SCN8A: variants seen among roughly 807,000 people sequenced by gnomAD.
The protein encoded by SCN8A is sodium voltage-gated channel alpha subunit 8, also known as sodium channel protein type 8 subunit alpha.
SCN8A carries 30 observed loss-of-function variants against 184.1 expected under a neutral mutation model. The ratio of observed to expected loss-of-function variants is 0.16; its 90% confidence interval spans 0.12 to 0.22. SCN8A has a LOEUF of 0.22. SCN8A is among the 10% of genes least tolerant of loss of function. The pLI is 1.00. For synonymous variants in SCN8A, 852 were observed against 907.0 expected, an observed-to-expected ratio of 0.94 and a Z score of 1.09; for missense variants, 1,057 against 2,498.9, an observed-to-expected ratio of 0.42 and a Z score of 12.30.
chr12:51,788,220 G>A (rs1054245337), intron 22 of SCN8A, among the ~76,000 whole-genome samples: 3 of 150,940 alleles, frequency 2.0e-5, no homozygotes, highest in Non-Finnish European at 4.4e-5. Flanking sequence ...ATTAGTAAAG[G>A]GTAAGTCTGA....
chr12:51,706,377 G>A, intron 10 of SCN8A, 45 bp from the exon 11 acceptor site: 3 of 1,484,598 alleles, frequency 2.0e-6, no homozygotes, highest in African/African-American at 1.4e-5. Context: ...GGTGGCTCCA[G>A]TTAATTGCCC....
intron 1 of SCN8A, among the ~76,000 whole-genome samples, chr12:51,645,955 A>AT (rs1298757465): frequency 0.056 from 2,196 of 39,186 alleles, 64 homozygotes; most frequent in African/African-American, 0.14. Flanking sequence ...TCAATTAAAA[A>AT]AAAAAAAAAA....
At chr12:51,805,500 A>T (rs1050876773) in intron 26 of SCN8A, among the ~76,000 whole-genome samples, 2 of 152,016 alleles carry the variant, frequency 1.3e-5, no homozygotes, top group African/African-American at 4.8e-5. Flanking sequence ...TATATATATG[A>T]TTCTTACATA....
chr12:51,780,523 C>A, intron 20 of SCN8A, 126 bp from the exon 21 acceptor site: 1 of 638,594 alleles, frequency 1.6e-6, no homozygotes, highest in Non-Finnish European at 2.2e-6. Context: ...GTCTGCAGTG[C>A]TAGGGGCTTT....
intron 12 of SCN8A, among the ~76,000 whole-genome samples, chr12:51,742,616 T>C (rs936606775): frequency 5.3e-5 from 8 of 152,058 alleles, no homozygotes; most frequent in Non-Finnish European, 1.0e-4. Context: ...CTTGCTGCTT[T>C]TAGGATCCTT....
intron 12 of SCN8A, among the ~76,000 whole-genome samples, chr12:51,744,735 C>T (rs1472897826): frequency 6.6e-6 from 1 of 151,770 alleles, no homozygotes; most frequent in Non-Finnish European, 1.5e-5. Context: ...TAATGAAACA[C>T]TTTGATAAGA....
At chr12:51,799,534 G>A (rs1245283720) in intron 26 of SCN8A, among the ~76,000 whole-genome samples, 1 of 152,138 alleles carries the variant, frequency 6.6e-6, no homozygotes, top group Non-Finnish European at 1.5e-5. Context: ...CACCTATGGG[G>A]GCCTACCAAA....
intron 2 of SCN8A, among the ~76,000 whole-genome samples, chr12:51,680,596 C>T (rs1183344529): frequency 6.6e-6 from 1 of 152,196 alleles, no homozygotes; most frequent in African/African-American, 2.4e-5. Flanking sequence ...ATGCCAAGCA[C>T]TGCAGGCACT....
intron 21 of SCN8A, among the ~76,000 whole-genome samples, chr12:51,781,140 G>A (rs1175360898): frequency 2.6e-5 from 4 of 152,178 alleles, no homozygotes; most frequent in African/African-American, 4.8e-5. Flanking sequence ...AAAAGCACAA[G>A]CTTCAGGCAG....
At chr12:51,636,152 G>T (rs565863804) in intron 1 of SCN8A, among the ~76,000 whole-genome samples, 1 of 152,162 alleles carries the variant, frequency 6.6e-6, no homozygotes, top group East Asian at 1.9e-4. Context: ...CCGCCACCAC[G>T]CCTGGCTAAT....
chr12:51,758,243 G>A (rs1381732320), intron 14 of SCN8A, among the ~76,000 whole-genome samples: 13 of 152,110 alleles, frequency 8.5e-5, no homozygotes, highest in Admixed American at 8.5e-4. Context: ...GATCACTTGA[G>A]CTCAAGAATT....
rs10639290 is a variant in SCN8A at position 51,634,656 on chromosome 12, A to ATTT, written c.-54-28098_-54-28096dup. On this transcript the variant is annotated intron_variant, in intron 1 of 26. Transcript: ENST00000627620. ...ACGTATTATTATTATTATTATTATT[A>ATTT]TTTTTTTTTTTTGAGACTGAGTCTT... 3.7e-3 allele frequency among the ~76,000 whole-genome samples: 511 copies of ATTT among 136,608 alleles called. 7 individuals carry two copies. The highest frequency in any genetic ancestry group is 6.0e-3 in the East Asian group (29 of 4,840). The allele number at this position is 136,608 out of a possible 152,430, so 89.6% of individuals were successfully genotyped here.
intron 6 of SCN8A, among the ~76,000 whole-genome samples, chr12:51,697,288 A>G (rs757561783): frequency 3.9e-5 from 6 of 152,304 alleles, no homozygotes; most frequent in South Asian, 2.1e-4. Context: ...TTATCTCTAC[A>G]GTCTACCTCT....
chr12:51,791,117 A>G (rs1231357743), intron 25 of SCN8A, among the ~76,000 whole-genome samples: 1 of 152,142 alleles, frequency 6.6e-6, no homozygotes, highest in Non-Finnish European at 1.5e-5. Flanking sequence ...CTGATTCCAT[A>G]TATCCGGTTG....
At chr12:51,679,640 C>T (rs1014370966) in intron 2 of SCN8A, among the ~76,000 whole-genome samples, 3 of 151,584 alleles carry the variant, frequency 2.0e-5, no homozygotes. Context: ...ATCTCTTTCT[C>T]GTGTAACTAC....
At chr12:51,608,317 A>G (rs1273572825) in intron 1 of SCN8A, among the ~76,000 whole-genome samples, 1 of 151,884 alleles carries the variant, frequency 6.6e-6, no homozygotes, top group Non-Finnish European at 1.5e-5. Context: ...GCCTGGTACC[A>G]ATTTTTCTTT....
chr12:51,764,591 C>T (rs934910211), intron 15 of SCN8A, among the ~76,000 whole-genome samples: 6 of 151,974 alleles, frequency 3.9e-5, no homozygotes, highest in Admixed American at 1.3e-4. Flanking sequence ...GCCGAGATCA[C>T]GTTGCTGCAC....
At chr12:51,794,933 A>G (rs1938368341) in intron 26 of SCN8A, among the ~76,000 whole-genome samples, 1 of 152,160 alleles carries the variant, frequency 6.6e-6, no homozygotes, top group Non-Finnish European at 1.5e-5. Context: ...AAAGTCTAAC[A>G]GGGAAGGTAA....
intron 1 of SCN8A, among the ~76,000 whole-genome samples, chr12:51,632,370 C>G (rs1448325082): frequency 3.0e-4 from 45 of 152,200 alleles, no homozygotes; most frequent in Admixed American, 2.7e-3. Flanking sequence ...TTACTGAAAT[C>G]AGCTTGACTC....
Sources: allele counts gnomAD v4.1 joint callset (sites outside exome capture counted in the v4.1 genomes callset), GRCh38; gene constraint gnomAD v4.1.1; transcripts MANE v1.5; gene names NCBI Gene and HGNC (gene_info 2026-07-23, HGNC 2026-07-21).